The following DOCK4 variants were observed in gnomAD, a reference collection of about 807,000 sequenced individuals.
The protein encoded by DOCK4 is dedicator of cytokinesis 4.
In DOCK4, 97 loss-of-function variants were observed where a neutral mutation model predicts 268.1. The ratio of observed to expected loss-of-function variants is 0.36; its 90% CI spans 0.31 to 0.43. DOCK4 has a LOEUF of 0.43. Ranked by LOEUF, DOCK4 falls within the 20% of genes least tolerant of loss-of-function variation. The pLI is 1.00. For missense variants in DOCK4, 2,145 were observed against 2,455.7 expected (o/e 0.87, Z 2.67); for synonymous variants, 954 against 887.2 (o/e 1.08, Z -1.34).
chr7:111,766,609 T>G (rs1331237433), intron 38 of DOCK4, among the ~76,000 whole-genome samples: 1 of 152,188 alleles, frequency 6.6e-6, no homozygotes. Context: ...TTGCTGAAGC[T>G]AAAGAGAGGT....
intron 36 of DOCK4, among the ~76,000 whole-genome samples, chr7:111,771,498 G>C (rs530671589): frequency 7.2e-5 from 11 of 152,182 alleles, no homozygotes; most frequent in Non-Finnish European, 1.5e-4. Context: ...AAGGGTGTCA[G>C]TTAACTGGCG....
At chr7:112,003,050 C>CA (rs60702171) in intron 2 of DOCK4, among the ~76,000 whole-genome samples, 12,804 of 74,650 alleles carry the variant, frequency 0.17, 859 homozygotes, top group East Asian at 0.28. Flanking sequence ...GACTCCATCT[C>CA]AAAAAAAAAA....
chr7:111,946,085 A>C (rs1465711712), intron 8 of DOCK4, among the ~76,000 whole-genome samples: 1 of 152,236 alleles, frequency 6.6e-6, no homozygotes, highest in African/African-American at 2.4e-5. Flanking sequence ...TCATTATTCC[A>C]AGAGGTAGAA....
intron 1 of DOCK4, among the ~76,000 whole-genome samples, chr7:112,142,000 A>C (rs1814979279): frequency 6.6e-6 from 1 of 152,126 alleles, no homozygotes; most frequent in Admixed American, 6.6e-5. Context: ...AACTAATTCA[A>C]ATTTAAGGCA....
intron 8 of DOCK4, among the ~76,000 whole-genome samples, chr7:111,972,942 C>A (rs1195560641): frequency 6.6e-6 from 1 of 151,254 alleles, no homozygotes; most frequent in African/African-American, 2.4e-5. Context: ...CTCTAATCAC[C>A]CTCCCACCCT....
chr7:112,090,437 A>T (rs1224886266), intron 1 of DOCK4, among the ~76,000 whole-genome samples: 1 of 152,146 alleles, frequency 6.6e-6, no homozygotes, highest in East Asian at 1.9e-4. Context: ...AAGTCAATTC[A>T]CCTCTAACAT....
At chr7:112,115,872 G>T (rs1462337364) in intron 1 of DOCK4, among the ~76,000 whole-genome samples, 1 of 152,164 alleles carries the variant, frequency 6.6e-6, no homozygotes, top group African/African-American at 2.4e-5. Context: ...TAGAGAAAGA[G>T]TCTAGCTATA....
chr7:112,048,562 C>CA (rs1487985164), intron 1 of DOCK4, among the ~76,000 whole-genome samples: 12 of 140,676 alleles, frequency 8.5e-5, no homozygotes, highest in Middle Eastern at 3.6e-3. Context: ...GACCCCATCT[C>CA]AAAAAAACAA....
intron 16 of DOCK4, among the ~76,000 whole-genome samples, chr7:111,890,529 TTA>T (rs1410919529): frequency 6.6e-6 from 1 of 152,186 alleles, no homozygotes; most frequent in Admixed American, 6.5e-5. Context: ...ATGCAAATTT[TTA>T]TAGATTTCAG....
At chr7:111,990,277 T>A (rs1799419399) in intron 5 of DOCK4, among the ~76,000 whole-genome samples, 1 of 152,166 alleles carries the variant, frequency 6.6e-6, no homozygotes, top group South Asian at 2.1e-4. Flanking sequence ...CCAAAATATA[T>A]ATCCCTTACC....
intron 1 of DOCK4, among the ~76,000 whole-genome samples, chr7:112,028,480 C>T (rs1438566719): frequency 2.0e-5 from 3 of 152,190 alleles, no homozygotes; most frequent in Non-Finnish European, 4.4e-5. Context: ...ACTACATCAT[C>T]TCACTAGCAT....
intron 8 of DOCK4, among the ~76,000 whole-genome samples, chr7:111,951,724 A>C (rs1562929817): frequency 6.6e-6 from 1 of 151,756 alleles, no homozygotes; most frequent in Non-Finnish European, 1.5e-5. Flanking sequence ...CTATAATCCC[A>C]GGCACTCAGT....
chr7:111,801,277 C>T (rs918224884), intron 30 of DOCK4, among the ~76,000 whole-genome samples: 4 of 152,242 alleles, frequency 2.6e-5, no homozygotes, highest in Middle Eastern at 3.4e-3. Context: ...CAAACATCGC[C>T]TCCTTCAGCC....
rs1799456468 is a variant in DOCK4, at chr7:111,790,541, G to C, written c.3231C>G (p.Pro1077=). ...TCATGACATTCCGAAGATCTGGCTG[G>C]GGTATCAAGGTCACTTCTAGGAAGG... The part of the protein sequence containing the change: ...IGPFLEVTLI[P]QPDLRNVMIP... The change falls in exon 31 of 53, where the codon CCC becomes CCG. Residue 1077 remains proline (P), a synonymous_variant. Transcript: ENST00000428084. The C allele has an allele frequency of 6.2e-7, 1 of 1,613,862 alleles. No homozygotes were observed. The highest frequency in any genetic ancestry group is 1.3e-5 in the African/African-American group (1 of 75,010).
At chr7:111,821,971 C>G (rs1302252913) in intron 27 of DOCK4, among the ~76,000 whole-genome samples, 3 of 152,154 alleles carry the variant, frequency 2.0e-5, no homozygotes, top group Non-Finnish European at 2.9e-5. Context: ...GAATGAAAGG[C>G]TTTCTATCTA....
At chr7:111,970,553 A>G (rs567854738) in intron 8 of DOCK4, among the ~76,000 whole-genome samples, 12 of 152,310 alleles carry the variant, frequency 7.9e-5, no homozygotes, top group African/African-American at 2.9e-4. Flanking sequence ...AATACCCTTG[A>G]GGGCTGGAGA....
At chr7:111,857,806 C>CA (rs1382052029) in intron 23 of DOCK4, among the ~76,000 whole-genome samples, 1 of 152,222 alleles carries the variant, frequency 6.6e-6, no homozygotes, top group Non-Finnish European at 1.5e-5. Flanking sequence ...CTCTCTGCAT[C>CA]AAATCTACCC....
chr7:111,951,859 C>T (rs1332087599), intron 8 of DOCK4, among the ~76,000 whole-genome samples: 3 of 151,524 alleles, frequency 2.0e-5, no homozygotes, highest in East Asian at 3.9e-4. Context: ...AGGGGTAAGA[C>T]CTTGTCTCAA....
intron 44 of DOCK4, among the ~76,000 whole-genome samples, chr7:111,745,552 C>T (rs960096979): frequency 3.3e-5 from 5 of 151,824 alleles, no homozygotes; most frequent in Non-Finnish European, 5.9e-5. Context: ...GGTGTGGTGG[C>T]GGGCACTTGT....
Sources: gnomAD v4.1 joint callset for allele counts (sites outside exome capture counted in the v4.1 genomes callset) on GRCh38, gnomAD v4.1.1 for gene constraint, MANE v1.5 for transcripts, NCBI Gene and HGNC (gene_info 2026-07-23, HGNC 2026-07-21) for gene names.